MPDZ: variants seen among roughly 807,000 people sequenced by gnomAD.
MPDZ encodes multiple PDZ domain crumbs cell polarity complex component, also known as multiple PDZ domain protein.
In MPDZ, 234 loss-of-function variants were observed where a neutral mutation model predicts 239.1. The ratio of observed to expected loss-of-function variants is 0.98; its 90% CI spans 0.88 to 1.09. The LOEUF is 1.09. Among genes scored for constraint, MPDZ ranks in the 50% least tolerant of loss-of-function variants. The probability of loss-of-function intolerance (pLI) is 0.00; values close to 1 mark genes in which losing one functional copy is unlikely to be tolerated. For missense variants in MPDZ, 3,175 were observed against 2,510.0 expected, an observed-to-expected ratio of 1.26 and a Z score of -5.66; for synonymous variants, 1,048 against 881.3, an observed-to-expected ratio of 1.19 and a Z score of -3.35.
chr9:13,154,015 C>A (rs1325658147), intron 24 of MPDZ, among the ~76,000 whole-genome samples: 1 of 152,028 alleles, frequency 6.6e-6, no homozygotes, highest in Non-Finnish European at 1.5e-5. Context: ...TCACATCATA[C>A]CTATAAGGTA....
chr9:13,108,027 T>C (rs977006062), intron 46 of MPDZ, among the ~76,000 whole-genome samples: 2 of 152,138 alleles, frequency 1.3e-5, no homozygotes. Flanking sequence ...AGCTAGCTTG[T>C]TGTAGGTACA....
At chr9:13,261,527 T>C (rs938667969) in intron 1 of MPDZ, among the ~76,000 whole-genome samples, 4 of 152,148 alleles carry the variant, frequency 2.6e-5, no homozygotes, top group Non-Finnish European at 4.4e-5. Context: ...TACACTGTAC[T>C]TCTAATAAAC....
At chr9:13,246,791 G>A (rs1262095793) in intron 3 of MPDZ, among the ~76,000 whole-genome samples, 1 of 151,912 alleles carries the variant, frequency 6.6e-6, no homozygotes, top group Admixed American at 6.6e-5. Context: ...CAGAATATTT[G>A]CTAGCAAGTC....
intron 3 of MPDZ, among the ~76,000 whole-genome samples, chr9:13,230,854 T>C (rs1260628176): frequency 6.6e-6 from 1 of 152,028 alleles, no homozygotes; most frequent in East Asian, 1.9e-4. Flanking sequence ...TCCAGAAATG[T>C]TGGATATGCA....
intron 12 of MPDZ, among the ~76,000 whole-genome samples, chr9:13,204,161 G>T (rs749706950): frequency 6.6e-6 from 1 of 152,110 alleles, no homozygotes; most frequent in Non-Finnish European, 1.5e-5. Flanking sequence ...CATGAAGGGA[G>T]GGAGATCAGT....
intron 26 of MPDZ, among the ~76,000 whole-genome samples, chr9:13,143,810 CA>C (rs1948071930): frequency 6.6e-6 from 1 of 152,070 alleles, no homozygotes; most frequent in Non-Finnish European, 1.5e-5. Context: ...AAACTGATCC[CA>C]AATTTCTTTT....
At chr9:13,175,969 G>A in intron 20 of MPDZ, 94 bp from the exon 21 acceptor site, 1 of 1,466,202 alleles carries the variant, frequency 6.8e-7, no homozygotes, top group Non-Finnish European at 9.1e-7. Flanking sequence ...CTAATTGATT[G>A]TGCTTTATTT....
At chr9:13,165,262 A>T (rs939412846) in intron 22 of MPDZ, 66 of 1,101,158 alleles carry the variant, frequency 6.0e-5, no homozygotes, top group Admixed American at 2.0e-4. Flanking sequence ...CAAAATCTAT[A>T]TCTGGATCTA....
chr9:13,251,128 CAAAAAA>C (rs150252589), intron 1 of MPDZ, among the ~76,000 whole-genome samples: 82 of 36,440 alleles, frequency 2.3e-3, no homozygotes, highest in East Asian at 7.3e-3. Flanking sequence ...GACTCCATCT[CAAAAAA>C]AAAAAAAAAA....
intron 38 of MPDZ, among the ~76,000 whole-genome samples, chr9:13,121,414 T>C (rs1311901589): frequency 2.6e-5 from 4 of 152,236 alleles, no homozygotes; most frequent in African/African-American, 9.6e-5. Flanking sequence ...AATTCGACGT[T>C]CACCAGACGA....
In MPDZ at chr9:13,106,893, T is replaced by G. The variant is rs1941541257; in HGVS notation, c.*72A>C. ...CCGGCTGAACACAGCATAAAAATTG[T>G]CAGGACCAGTGCATTCTCTTTACAG... is the stretch of plus-strand genomic sequence containing the variant. On this transcript the variant is annotated 3_prime_UTR_variant, in exon 47 of 47. Transcript: ENST00000319217. The G allele has an allele frequency of 6.6e-7, 1 of 1,514,402 alleles. No homozygotes were observed. Among genetic ancestry groups the G allele is most frequent in the Admixed American group, 1.7e-5 (1 of 59,026 alleles). 93.8% of individuals were successfully genotyped at this position (1,514,402 alleles called of 1,614,324 possible).
chr9:13,174,016 T>G (rs945195537), intron 21 of MPDZ, among the ~76,000 whole-genome samples: 1 of 152,288 alleles, frequency 6.6e-6, no homozygotes, highest in Non-Finnish European at 1.5e-5. Flanking sequence ...ACTTCATCCA[T>G]AACAAACCAG....
intron 30 of MPDZ, among the ~76,000 whole-genome samples, chr9:13,136,488 C>T (rs182399468): frequency 3.3e-5 from 5 of 151,526 alleles, no homozygotes; most frequent in Admixed American, 1.3e-4. Flanking sequence ...CGTGCCACCA[C>T]GCCCGGCTAA....
chr9:13,133,977 C>G (rs914941762), intron 31 of MPDZ, 73 bp from the exon 32 acceptor site: 12 of 648,504 alleles, frequency 1.9e-5, no homozygotes, highest in Non-Finnish European at 2.8e-5. Context: ...ATATAAAGGC[C>G]ACTTATTCAA....
chr9:13,196,321 G>C (rs746276362), intron 12 of MPDZ, 91 bp from the exon 13 acceptor site: 4 of 803,726 alleles, frequency 5.0e-6, no homozygotes, highest in Non-Finnish European at 8.1e-6. Context: ...ATCAGAACCC[G>C]CTGTATCACG....
intron 15 of MPDZ, among the ~76,000 whole-genome samples, chr9:13,191,000 T>C (rs1199111364): frequency 1.3e-5 from 2 of 152,178 alleles, no homozygotes; most frequent in African/African-American, 4.8e-5. Flanking sequence ...AATTCAACTT[T>C]GTTCATCTGT....
At chr9:13,217,395 C>T in intron 8 of MPDZ, 101 bp from the exon 9 acceptor site, 1 of 737,824 alleles carries the variant, frequency 1.4e-6, no homozygotes, top group Admixed American at 2.9e-5. Context: ...AATAAAGCCA[C>T]AGGCCTACTT....
intron 3 of MPDZ, among the ~76,000 whole-genome samples, chr9:13,244,217 A>C (rs1425532576): frequency 6.6e-6 from 1 of 152,216 alleles, no homozygotes; most frequent in East Asian, 1.9e-4. Context: ...GGACTGGAGA[A>C]ACTTCATAGA....
chr9:13,270,062 T>A (rs889323448), intron 1 of MPDZ, among the ~76,000 whole-genome samples: 1 of 152,302 alleles, frequency 6.6e-6, no homozygotes, highest in African/African-American at 2.4e-5. Context: ...CATGAAAGCA[T>A]TTTAAAAGGG....
Sources: gnomAD v4.1 joint callset for allele counts (sites outside exome capture counted in the v4.1 genomes callset) on GRCh38, gnomAD v4.1.1 for gene constraint, MANE v1.5 for transcripts, NCBI Gene and HGNC (gene_info 2026-07-23, HGNC 2026-07-21) for gene names.